Variants in ADCY10 observed in about 807,000 individuals in gnomAD.
The protein encoded by ADCY10 is adenylate cyclase 10.
Under a neutral mutation model 183.3 loss-of-function variants are expected in ADCY10, and 156 were observed. The ratio of observed to expected loss-of-function variants is 0.85; its 90% confidence interval spans 0.75 to 0.97. The LOEUF (loss-of-function observed/expected upper bound fraction) is 0.97, where lower values mean the gene tolerates loss of function less well. Ranked by LOEUF, ADCY10 falls within the 50% of genes least tolerant of loss-of-function variation. ADCY10 has a pLI of 0.00. For synonymous variants in ADCY10, 645 were observed against 670.0 expected, an observed-to-expected ratio of 0.96 and a Z score of 0.58; for missense variants, 1,745 against 1,934.3, an observed-to-expected ratio of 0.90 and a Z score of 1.84.
At chr1:167,854,599 T>G in intron 17 of ADCY10, 110 bp from the exon 18 acceptor site, 1 of 1,371,874 alleles carries the variant, frequency 7.3e-7, no homozygotes, top group South Asian at 1.2e-5. Flanking sequence ...ATTCTTCATT[T>G]GTTTCTGTTT....
intron 14 of ADCY10, among the ~76,000 whole-genome samples, chr1:167,869,462 A>T (rs1003489823): frequency 6.6e-6 from 1 of 152,146 alleles, no homozygotes; most frequent in African/African-American, 2.4e-5. Flanking sequence ...ATTGTTTTAT[A>T]TTGTTTTATA....
intron 30 of ADCY10, chr1:167,818,474 G>A: frequency 1.5e-6 from 1 of 666,864 alleles, no homozygotes; most frequent in South Asian, 1.5e-5. Context: ...TTGATGACTT[G>A]AGATGAATAG....
chr1:167,895,458 C>T (rs948411976), intron 7 of ADCY10, among the ~76,000 whole-genome samples: 1 of 152,122 alleles, frequency 6.6e-6, no homozygotes, highest in Non-Finnish European at 1.5e-5. Context: ...TAAAATACTC[C>T]AGACCTGTAC....
intron 25 of ADCY10, among the ~76,000 whole-genome samples, chr1:167,831,097 G>A (rs960418236): frequency 1.4e-4 from 22 of 152,184 alleles, no homozygotes; most frequent in African/African-American, 4.1e-4. Flanking sequence ...TGTTACAGGC[G>A]TGTCCTCAAC....
chr1:167,877,327 A>G (rs956800184), intron 12 of ADCY10, among the ~76,000 whole-genome samples: 14 of 151,442 alleles, frequency 9.2e-5, no homozygotes, highest in Non-Finnish European at 1.9e-4. Flanking sequence ...ATTATTATTC[A>G]TTCATGTATT....
At chr1:167,854,944 A>T (rs1032631836) in intron 17 of ADCY10, among the ~76,000 whole-genome samples, 15 of 152,204 alleles carry the variant, frequency 9.9e-5, no homozygotes, top group African/African-American at 3.6e-4. Flanking sequence ...AAGCAGGGCA[A>T]CCTCATTGCA....
At chr1:167,882,135 C>A (rs1002212616) in intron 9 of ADCY10, among the ~76,000 whole-genome samples, 1 of 152,196 alleles carries the variant, frequency 6.6e-6, no homozygotes, top group Non-Finnish European at 1.5e-5. Context: ...AATCAATTCT[C>A]ACATATGCAT....
chr1:167,879,037 T>C (rs921137983), intron 11 of ADCY10, among the ~76,000 whole-genome samples: 2 of 152,206 alleles, frequency 1.3e-5, no homozygotes, highest in African/African-American at 4.8e-5. Flanking sequence ...TAAAATTGTG[T>C]CTGCATGCTC....
chr1:167,821,754 C>T (rs1223925086), intron 30 of ADCY10, among the ~76,000 whole-genome samples: 1 of 152,164 alleles, frequency 6.6e-6, no homozygotes, highest in Non-Finnish European at 1.5e-5. Context: ...GCAATCTTTT[C>T]TTATTTATCC....
At chr1:167,908,190 GAT>G (rs777956344) in intron 1 of ADCY10, among the ~76,000 whole-genome samples, 4 of 152,102 alleles carry the variant, frequency 2.6e-5, no homozygotes, top group Admixed American at 6.6e-5. Flanking sequence ...GAAAACATTG[GAT>G]AATGTATACA....
At chr1:167,908,252 T>C (rs1021910993) in intron 1 of ADCY10, among the ~76,000 whole-genome samples, 1 of 152,206 alleles carries the variant, frequency 6.6e-6, no homozygotes, top group African/African-American at 2.4e-5. Context: ...TCTTGTATGA[T>C]AGTGTGGATG....
chr1:167,863,237 A>C (rs948988547), intron 14 of ADCY10, among the ~76,000 whole-genome samples: 2 of 152,026 alleles, frequency 1.3e-5, no homozygotes, highest in African/African-American at 4.8e-5. Context: ...TTAAAATTCG[A>C]CCCCTGACCT....
Position 167,908,856 on chromosome 1 carries a change from C to T in ADCY10, c.-58-3658G>A, listed in dbSNP as rs531044419. Among the ~76,000 whole-genome samples the T allele has an allele frequency of 3.9e-5, 6 of 152,240 alleles. No individual in the cohort carries two copies. The South Asian group carries it at 8.3e-4, about 21-fold the overall frequency. On this transcript the variant is annotated intron_variant, in intron 1 of 32. Coordinates refer to ENST00000367851, the MANE Select transcript of ADCY10 (RefSeq NM_018417.6). ...TTTAACAAAATCAAATGCATAAGCA[C>T]GAGGTGCTAAAAAACTAGATTTACT...
At chr1:167,825,253 G>A (rs1039226124) in intron 26 of ADCY10, among the ~76,000 whole-genome samples, 1 of 151,594 alleles carries the variant, frequency 6.6e-6, no homozygotes, top group Non-Finnish European at 1.5e-5. Context: ...TGTGATGTTT[G>A]TTATAACAAG....
At chr1:167,864,439 T>C (rs1476464351) in intron 14 of ADCY10, among the ~76,000 whole-genome samples, 3 of 152,200 alleles carry the variant, frequency 2.0e-5, no homozygotes, top group African/African-American at 7.2e-5. Flanking sequence ...TTGTTTCAAA[T>C]GTATGGCACA....
intron 1 of ADCY10, among the ~76,000 whole-genome samples, chr1:167,908,035 A>G (rs1251053819): frequency 1.3e-5 from 2 of 152,216 alleles, no homozygotes; most frequent in Admixed American, 6.5e-5. Context: ...TAGAACTACC[A>G]TATGATCTAA....
intron 1 of ADCY10, among the ~76,000 whole-genome samples, chr1:167,908,651 A>G (rs1324049958): frequency 6.6e-6 from 1 of 152,224 alleles, no homozygotes; most frequent in Non-Finnish European, 1.5e-5. Flanking sequence ...ATCACATTGT[A>G]CACCATAAAT....
At chr1:167,859,593 A>C (rs1666147396) in intron 16 of ADCY10, among the ~76,000 whole-genome samples, 1 of 152,194 alleles carries the variant, frequency 6.6e-6, no homozygotes, top group African/African-American at 2.4e-5. Flanking sequence ...TCCTAGGAGT[A>C]ATGTTAAGGG....
At chr1:167,881,286 C>A (rs986951427) in intron 9 of ADCY10, among the ~76,000 whole-genome samples, 1 of 152,194 alleles carries the variant, frequency 6.6e-6, no homozygotes, top group African/African-American at 2.4e-5. Context: ...AAAAAATGAC[C>A]TCAGTCAGGT....
Sources: gnomAD v4.1 joint callset for allele counts (sites outside exome capture counted in the v4.1 genomes callset) on GRCh38, gnomAD v4.1.1 for gene constraint, MANE v1.5 for transcripts, NCBI Gene and HGNC (gene_info 2026-07-23, HGNC 2026-07-21) for gene names.